PER1: variants seen among roughly 807,000 people sequenced by gnomAD.
PER1 encodes period circadian protein homolog 1.
A neutral mutation model predicts 125.9 loss-of-function variants in PER1; 87 were observed. The observed-to-expected ratio is 0.69, with a 90% confidence interval of 0.58 to 0.83. PER1 has a LOEUF of 0.83. Ranked by LOEUF, PER1 falls within the 40% of genes least tolerant of loss-of-function variation. The probability of loss-of-function intolerance (pLI) is 0.00; values close to 1 mark genes in which losing one functional copy is unlikely to be tolerated. For synonymous variants in PER1, 801 were observed against 714.7 expected (o/e 1.12, Z -1.93); for missense variants, 1,775 against 1,722.8 (o/e 1.03, Z -0.54).
chr17:8,149,798 T>C lies in PER1; in HGVS notation c.608A>G (p.Glu203Gly). Residue 203 changes from glutamate (E) to glycine (G), a missense_variant, in exon 5 of 23, where the codon GAG becomes GGG. Glu to Gly is a moderately conservative substitution (Grantham distance 98). Coordinates refer to ENST00000317276, the MANE Select transcript of PER1 (RefSeq NM_002616.3). ...CSMDMSTYTL[E>G]ELEHITSEYT... Reference sequence around the variant, plus strand: ...CTCAGACGTGATGTGCTCCAGCTCCTCCAGGGTATAGGTGGACATGTCCAT... The same window carrying C: ...CTCAGACGTGATGTGCTCCAGCTCCCCCAGGGTATAGGTGGACATGTCCAT... The C allele has an allele frequency of 6.2e-7, 1 of 1,613,628 alleles. No homozygotes were observed. The highest frequency in any genetic ancestry group is 8.5e-7 in the Non-Finnish European group (1 of 1,179,940).
intron 18 of PER1, 118 bp downstream of exon 18, chr17:8,144,633 G>A: frequency 1.5e-6 from 2 of 1,371,480 alleles, no homozygotes; most frequent in Non-Finnish European, 2.0e-6. Context: ...GGGCCTAGTG[G>A]TGGAAGCAAC....
rs767492211 is a variant in PER1, at chr17:8,143,424, G to T, written c.2914C>A (p.Pro972Thr). Residue 972 changes from proline to threonine, a missense_variant, in exon 19 of 23, where the codon CCA (proline) becomes ACA (threonine). Pro to Thr is a conservative substitution (Grantham distance 38). Transcript: ENST00000317276. ...APSPPHRPDS[P>T]LFNSRCSSPL... ...GAGCTGCATCTCGAGTTGAACAGTG[G>T]AGAGTCCGGGCGGTGAGGAGGACTC... is the stretch of plus-strand genomic sequence containing the variant. 1 of 1,613,308 alleles carries T rather than the reference G, an allele frequency of 6.2e-7. No individual in the cohort carries two copies.
At chr17:8,147,849 G>A (rs947688136) in intron 10 of PER1, 22 bp from the exon 11 acceptor site, 4 of 1,613,136 alleles carry the variant, frequency 2.5e-6, no homozygotes, top group Non-Finnish European at 3.4e-6. Flanking sequence ...GGGAAAGGAG[G>A]AGCGGTCAAA....
chr17:8,144,535 T>A (rs1442795320), intron 18 of PER1: 6 of 569,732 alleles, frequency 1.1e-5, no homozygotes, highest in Non-Finnish European at 1.8e-5. Context: ...CCCATCCCAG[T>A]GCCATCCCCC....
chr17:8,148,910 C>G (rs765764681), intron 7 of PER1, 124 bp from the exon 8 acceptor site: 1 of 1,159,428 alleles, frequency 8.6e-7, no homozygotes, highest in Non-Finnish European at 1.2e-6. Context: ...AGAGGTAGGC[C>G]GGGCACGGTG....
chr17:8,145,848 G>A lies in PER1; in HGVS notation c.2218+110C>T, dbSNP rs1050267408. The A allele has an allele frequency of 3.2e-6, 4 of 1,263,146 alleles. No individual in the cohort carries two copies. The African/African-American group carries it at 4.5e-5, about 14-fold the overall frequency. The allele number at this position is 1,263,146 out of a possible 1,614,324, so 78.2% of individuals were successfully genotyped here. ...AGTAGCCCCAAGCCCCAGGTCAAGG[G>A]AGGCCTCCTTCTCTCCATCAGGCCC... On this transcript the variant is annotated intron_variant, in intron 17 of 22. Coordinates refer to ENST00000317276, the MANE Select transcript of PER1 (RefSeq NM_002616.3).
chr17:8,148,013 C>T lies in PER1; in HGVS notation c.1218G>A (p.Leu406=), dbSNP rs759593442. ...FLHPEDRPLM[L]AIHKKILQLA... Reference sequence around the variant, plus strand: ...GGAACTCACTCTTCTTGTGGATAGCCAGCATGAGGGGTCGGTCCTCAGGAT... The same window carrying T: ...GGAACTCACTCTTCTTGTGGATAGCTAGCATGAGGGGTCGGTCCTCAGGAT... Residue 406 remains leucine, a synonymous_variant, in exon 10 of 23, where the codon CTG becomes CTA. Coordinates refer to ENST00000317276, the MANE Select transcript of PER1 (RefSeq NM_002616.3). 52 of 1,612,662 alleles carry T rather than the reference C, an allele frequency of 3.2e-5. No individual in the cohort carries two copies. The highest frequency in any genetic ancestry group is 5.5e-5 in the South Asian group (5 of 90,890).
intron 1 of PER1, among the ~76,000 whole-genome samples, chr17:8,151,168 C>T (rs924868908): frequency 6.6e-6 from 1 of 152,210 alleles, no homozygotes; most frequent in African/African-American, 2.4e-5. Flanking sequence ...CCTGGGCCTC[C>T]AAGGCCTCGG....
At chr17:8,142,049 A>G (rs1287622039) in intron 21 of PER1, 94 bp from the exon 22 acceptor site, 1 of 1,502,280 alleles carries the variant, frequency 6.7e-7, no homozygotes, top group South Asian at 1.1e-5. Flanking sequence ...ACAGCTTCCC[A>G]CCTCATGCTC....
At chr17:8,150,178 C>A in intron 3 of PER1, 41 bp downstream of exon 3, 1 of 1,602,724 alleles carries the variant, frequency 6.2e-7, no homozygotes, top group Non-Finnish European at 8.5e-7. Context: ...CAGAGTGTGG[C>A]CTGGGCCCCC....
At chr17:8,147,622 C>T (rs1228580053) in intron 11 of PER1, 44 bp from the exon 12 acceptor site, 4 of 1,613,324 alleles carry the variant, frequency 2.5e-6, no homozygotes, top group Admixed American at 3.3e-5. Flanking sequence ...GGTCCTGTCC[C>T]CCACCGCACT....
In PER1 at chr17:8,147,838, T is replaced by G; in HGVS notation, c.1235-11A>C. 1 of 1,611,746 alleles carries G rather than the reference T, an allele frequency of 6.2e-7. No individual in the cohort carries two copies. The highest frequency in any genetic ancestry group is 8.5e-7 in the Non-Finnish European group (1 of 1,179,356). ...CCGCCAACTGCAGAACTGATGGAAG[T>G]GGGAAAGGAGGAGCGGTCAAAGGGA... On this transcript the variant is annotated splice_polypyrimidine_tract_variant and intron_variant, in intron 10 of 22. Coordinates refer to ENST00000317276, the MANE Select transcript of PER1 (RefSeq NM_002616.3).
intron 21 of PER1, 136 bp from the exon 22 acceptor site, chr17:8,142,091 G>C: frequency 7.8e-7 from 1 of 1,278,334 alleles, no homozygotes; most frequent in Non-Finnish European, 1.1e-6. Context: ...CGAGGTCAAG[G>C]CTTCCAAGAC....
intron 19 of PER1, 38 bp downstream of exon 19, chr17:8,143,228 G>A (rs758337935): frequency 1.5e-6 from 2 of 1,369,860 alleles, no homozygotes; most frequent in East Asian, 2.6e-5. Flanking sequence ...CGGGGCTGGG[G>A]TGGGGGCTGG....
rs1982580808 is a variant in PER1 at position 8,148,181 on chromosome 17, C to T, written c.1127G>A (p.Arg376Lys). The T allele has an allele frequency of 6.2e-7, 1 of 1,613,910 alleles. No homozygotes were observed. The highest frequency in any genetic ancestry group is 1.7e-5 in the Admixed American group (1 of 60,002). ...PSCLFQDVDE[R>K]AAPLLGYLPQ... ...CGTCTCCTCTAGGTCCTATCCTCAC[C>T]TTTCATCCACATCCTGGAAGAGGCA... is the stretch of plus-strand genomic sequence containing the variant. Residue 376 changes from arginine (R) to lysine (K), a missense_variant and splice_region_variant, in exon 9 of 23, where the codon AGG becomes AAG. Coordinates refer to ENST00000317276, the MANE Select transcript of PER1 (RefSeq NM_002616.3).
intron 22 of PER1, 128 bp from the exon 23 acceptor site, chr17:8,141,468 A>G: frequency 9.0e-7 from 1 of 1,107,922 alleles, no homozygotes. Context: ...GTCCACACAG[A>G]TGCACCTGCG....
In PER1 at chr17:8,143,561, T is replaced by C. The variant is rs767701385; in HGVS notation, c.2777A>G (p.Tyr926Cys). The change falls in exon 19 of 23, where the codon TAT (tyrosine) becomes TGT (cysteine). Residue 926 changes from tyrosine (Y) to cysteine (C), a missense_variant. Tyr to Cys is a radical substitution (Grantham distance 194, BLOSUM62 -2). Coordinates refer to ENST00000317276, the MANE Select transcript of PER1 (RefSeq NM_002616.3). ...TPMVALVLPN[Y>C]LFPTPSSYPY... ...ATAGCTGGATGGGGTTGGGAACAGA[T>C]AGTTAGGGAGCACCAAGGCCACCAT... is the stretch of plus-strand genomic sequence containing the variant. The C allele has an allele frequency of 3.0e-5, 44 of 1,473,664 alleles. No individual in the cohort carries two copies. In the South Asian group the frequency reaches 3.0e-4, roughly 10 times the overall value. 91.3% of individuals were successfully genotyped at this position (1,473,664 alleles called of 1,614,324 possible).
Position 8,143,661 on chromosome 17 carries a change from C to T in PER1, c.2677G>A (p.Gly893Arg), listed in dbSNP as rs936421635. 2.7e-6 allele frequency: 4 copies of T among 1,461,006 alleles called. No homozygotes were observed. The highest frequency in any genetic ancestry group is 3.6e-6 in the Non-Finnish European group (4 of 1,101,332). The allele number at this position is 1,461,006 out of a possible 1,614,324, so 90.5% of individuals were successfully genotyped here. Reference protein sequence around the residue: ...PYPLPVFSPRGGPQPLPPAPT... With the variant: ...PYPLPVFSPRRGPQPLPPAPT... ...GCAGGGGGAAGAGGCTGGGGGCCTC[C>T]TCGAGGAGAGAACACTGGGAGAGGG... The change falls in exon 19 of 23, where the codon GGA becomes AGA. Residue 893 changes from glycine to arginine, a missense_variant. By Grantham distance (125) the Gly-to-Arg change is moderately radical (BLOSUM62 -2). Transcript: ENST00000317276.
intron 7 of PER1, 184 bp from the exon 8 acceptor site, chr17:8,148,970 C>A (rs372244045): frequency 1.5e-6 from 1 of 685,174 alleles, no homozygotes. Flanking sequence ...AGGCGGATCA[C>A]CTGAGGTCAG....
Sources: allele counts gnomAD v4.1 joint callset (sites outside exome capture counted in the v4.1 genomes callset), GRCh38; gene constraint gnomAD v4.1.1; transcripts MANE v1.5; gene names NCBI Gene and HGNC (gene_info 2026-07-23, HGNC 2026-07-21).